Variants in ADGRB1 observed in about 807,000 individuals in gnomAD.
The protein encoded by ADGRB1 is brain-specific angiogenesis inhibitor 1.
ADGRB1 carries 36 observed loss-of-function variants against 175.7 expected under a neutral mutation model. The observed-to-expected ratio is 0.20, with a 90% confidence interval of 0.16 to 0.27. ADGRB1 has a LOEUF of 0.27. ADGRB1 is among the 10% of genes least tolerant of loss of function. The probability of loss-of-function intolerance (pLI) is 1.00; values close to 1 mark genes in which losing one functional copy is unlikely to be tolerated. For missense variants in ADGRB1, 1,731 were observed against 2,255.3 expected, an observed-to-expected ratio of 0.77 and a Z score of 4.71; for synonymous variants, 1,054 against 979.4, an observed-to-expected ratio of 1.08 and a Z score of -1.42.
rs539663294 is a variant in ADGRB1, at chr8:142,540,893, A to G, written c.3707-1048A>G. Among the ~76,000 whole-genome samples, 13 of 152,116 alleles carry G rather than the reference A, an allele frequency of 8.5e-5. No homozygotes were observed. The South Asian group carries it at 1.7e-3, about 19-fold the overall frequency. ...TGGAGGAGAGGACCAGGCCGGGAGC[A>G]TGGCCTGCTGAGCTCTGAGGGGGAC... On this transcript the variant is annotated intron_variant, in intron 27 of 30. Transcript: ENST00000517894.
At position 142,511,062 on chromosome 8, in the gene ADGRB1, A is replaced by G; in HGVS notation, c.2806A>G (p.Ser936Gly). Residue 936 changes from serine (S) to glycine (G), a missense_variant, in exon 18 of 31, where the codon AGC (serine) becomes GGC (glycine). Physicochemically the swap from Ser to Gly is moderately conservative, Grantham distance 56. Around this residue, in one of 8 missense-constraint regions of ADGRB1, gnomAD observed 77 missense variants for 71.6 expected, o/e 1.08. Transcript: ENST00000517894. The surrounding 1 kb of genome is among the most constrained non-coding windows in gnomAD (Gnocchi z 4.5). The stretch of plus-strand genomic sequence containing the variant: ...CACCTTCGCCATCTTAGCCCAGCTC[A>G]GCGCCGACGCGGTGAGACCCCGGCC... ...LSTFAILAQL[S>G]ADANMEKATL... 1.7e-6 allele frequency: 2 copies of G among 1,208,008 alleles called. No individual in the cohort carries two copies. Among genetic ancestry groups the G allele is most frequent in the South Asian group, 2.1e-5 (1 of 48,270 alleles). 74.8% of individuals were successfully genotyped at this position (1,208,008 alleles called of 1,614,324 possible).
rs1220570928 is a variant in ADGRB1, at chr8:142,452,897, G to A, written c.-220+2793G>A. ...GTGGCGGAAGGCGGAGGGCCGGCGCGCTGCCGCTGACTGCCGGGAGAGGGC... is the reference window on the plus strand; with the variant it reads ...GTGGCGGAAGGCGGAGGGCCGGCGCACTGCCGCTGACTGCCGGGAGAGGGC... On this transcript the variant is annotated intron_variant, in intron 1 of 30. Coordinates refer to ENST00000517894, the MANE Select transcript of ADGRB1 (RefSeq NM_001702.3). 2.7e-5 allele frequency among the ~76,000 whole-genome samples: 4 copies of A among 148,942 alleles called. No homozygotes were observed. In the South Asian group the frequency reaches 8.3e-4, roughly 31 times the overall value.
intron 17 of ADGRB1, among the ~76,000 whole-genome samples, chr8:142,498,524 C>T (rs1182209843): frequency 6.6e-6 from 1 of 152,154 alleles, no homozygotes; most frequent in Admixed American, 6.5e-5. Flanking sequence ...CAGCCCCTCC[C>T]TCAAGCACAG....
intron 18 of ADGRB1, among the ~76,000 whole-genome samples, chr8:142,515,292 C>G (rs1335915962): frequency 2.0e-5 from 3 of 152,228 alleles, no homozygotes; most frequent in African/African-American, 7.2e-5. Context: ...TCTGCCTCCC[C>G]TCGGCGTGAG....
In ADGRB1 at chr8:142,532,591, C is replaced by T. The variant is rs1011027751; in HGVS notation, c.3399-704C>T. Among the ~76,000 whole-genome samples the T allele has an allele frequency of 8.5e-5, 13 of 152,128 alleles. 1 individual carries two copies. The highest frequency in any genetic ancestry group is 6.2e-4 in the South Asian group (3 of 4,828). ...AGGCGCCTGTCAGTCTGTCTGTTGC[C>T]GTCTGTCTCTGTCTCTCCTCTGCTC... On this transcript the variant is annotated intron_variant, in intron 24 of 30. Coordinates refer to ENST00000517894, the MANE Select transcript of ADGRB1 (RefSeq NM_001702.3).
At position 142,489,342 on chromosome 8, in the gene ADGRB1, G is replaced by A. The variant is rs141595313; in HGVS notation, c.2535G>A (p.Thr845=). ...LGSFLALQRN[T]TVLNSKVISV... Reference sequence around the variant, plus strand: ...GTGCCTCTGGCTCTTGCAGGAACACGACCGTCCTGAATTCTAAGGTGATCT... The same window carrying A: ...GTGCCTCTGGCTCTTGCAGGAACACAACCGTCCTGAATTCTAAGGTGATCT... The change falls in exon 16 of 31, where the codon ACG becomes ACA. Residue 845 remains threonine (T), a synonymous_variant. Coordinates refer to ENST00000517894, the MANE Select transcript of ADGRB1 (RefSeq NM_001702.3). 8.3e-4 allele frequency: 1,339 copies of A among 1,612,816 alleles called. 14 individuals are homozygous for A. In the African/African-American group the frequency reaches 0.015, roughly 18 times the overall value.
chr8:142,469,162 T>TGTGCATGCGTGCATGTGTGTGA (rs10643514), intron 2 of ADGRB1, among the ~76,000 whole-genome samples: 1 of 151,844 alleles, frequency 6.6e-6, no homozygotes, highest in Admixed American at 6.6e-5. Flanking sequence ...CGTGCATGTG[T>TGTGCATGCGTGCATGTGTGTGA]GTGTGTGTGC....
intron 24 of ADGRB1, among the ~76,000 whole-genome samples, chr8:142,527,459 A>G (rs967559865): frequency 6.6e-6 from 1 of 151,906 alleles, no homozygotes; most frequent in Non-Finnish European, 1.5e-5. Flanking sequence ...AGACGCTTTC[A>G]GGAAGCCTTC....
At position 142,476,710 on chromosome 8, in the gene ADGRB1, G is replaced by T. The variant is rs1032150681; in HGVS notation, c.1057+15G>T. On this transcript the variant is annotated intron_variant, in intron 4 of 30. Coordinates refer to ENST00000517894, the MANE Select transcript of ADGRB1 (RefSeq NM_001702.3). ...CCCCCAGACCGGTGAGCTGGCGGGA[G>T]GGGGGTGGGTGGGACTAGGGCTTTG... 2 of 1,538,326 alleles carry T rather than the reference G, an allele frequency of 1.3e-6. No homozygotes were observed. The highest frequency in any genetic ancestry group is 1.8e-6 in the Non-Finnish European group (2 of 1,139,872).
intron 15 of ADGRB1, 63 bp downstream of exon 15, chr8:142,489,173 C>T: frequency 6.4e-7 from 1 of 1,553,298 alleles, no homozygotes; most frequent in Non-Finnish European, 8.7e-7. Flanking sequence ...AGGACCCCAG[C>T]CACAGGATGT....
chr8:142,516,307 CG>C (rs1843425285), intron 18 of ADGRB1, among the ~76,000 whole-genome samples: 1 of 113,576 alleles, frequency 8.8e-6, no homozygotes. Flanking sequence ...CAGGTGCATG[CG>C]TGTGTGCGGG....
chr8:142,533,565 G>A lies in ADGRB1; in HGVS notation c.3570+99G>A, dbSNP rs529190072. 5,338 of 1,378,854 alleles carry A rather than the reference G, an allele frequency of 3.9e-3. 13 individuals carry two copies. Among genetic ancestry groups the A allele is most frequent in the Non-Finnish European group, 4.7e-3 (4,850 of 1,023,384 alleles). 85.4% of individuals were successfully genotyped at this position (1,378,854 alleles called of 1,614,324 possible). ...GAGGACCTCGGCAGGGAGATTGTGG[G>A]TAGGCGCAGCATCCATGACCCTGAC... is the stretch of plus-strand genomic sequence containing the variant. On this transcript the variant is annotated intron_variant, in intron 25 of 30. Transcript: ENST00000517894.
chr8:142,514,173 G>A (rs938676365), intron 18 of ADGRB1, among the ~76,000 whole-genome samples: 1 of 152,104 alleles, frequency 6.6e-6, no homozygotes, highest in African/African-American at 2.4e-5. Flanking sequence ...GTGGCTTCGG[G>A]GGTTCAGAGT....
intron 24 of ADGRB1, among the ~76,000 whole-genome samples, chr8:142,528,872 G>A (rs1339991081): frequency 3.9e-5 from 6 of 152,244 alleles, no homozygotes; most frequent in Admixed American, 1.3e-4. Context: ...GGTGCAGGGC[G>A]TGGGGCCGGG....
intron 1 of ADGRB1, among the ~76,000 whole-genome samples, chr8:142,461,041 A>C (rs977608438): frequency 1.3e-5 from 2 of 152,200 alleles, no homozygotes; most frequent in Non-Finnish European, 2.9e-5. Context: ...GCGACCGGTG[A>C]TACCAGGGCC....
intron 17 of ADGRB1, among the ~76,000 whole-genome samples, chr8:142,503,162 G>A (rs928297594): frequency 6.6e-6 from 1 of 151,414 alleles, no homozygotes; most frequent in East Asian, 1.9e-4. Context: ...TGAGGGAAGC[G>A]AGACCCCCCA....
intron 17 of ADGRB1, among the ~76,000 whole-genome samples, chr8:142,501,958 T>G (rs1842585117): frequency 5.5e-5 from 1 of 18,244 alleles, no homozygotes; most frequent in South Asian, 2.1e-3. Flanking sequence ...GATGGCTGTG[T>G]GGTTTTGATG....
Position 142,476,799 on chromosome 8 carries a change from A to G in ADGRB1, c.1057+104A>G, listed in dbSNP as rs369088167. The G allele has an allele frequency of 1.9e-5, 22 of 1,168,078 alleles. No individual in the cohort carries two copies. The African/African-American group carries it at 3.2e-4, about 17-fold the overall frequency. The allele number at this position is 1,168,078 out of a possible 1,614,324, so 72.4% of individuals were successfully genotyped here. A position where few individuals can be genotyped will look rare whatever the true frequency, so the allele number is the denominator to read the frequency against. On this transcript the variant is annotated intron_variant, in intron 4 of 30. Coordinates refer to ENST00000517894, the MANE Select transcript of ADGRB1 (RefSeq NM_001702.3). ...GTAGTAACTTGAATAACATGCCATA[A>G]CTAGACTAAACCCTTAGGTGCAGGG... is the stretch of plus-strand genomic sequence containing the variant.
intron 17 of ADGRB1, among the ~76,000 whole-genome samples, chr8:142,498,304 C>A (rs1016976612): frequency 1.3e-5 from 2 of 152,224 alleles, no homozygotes; most frequent in African/African-American, 4.8e-5. Flanking sequence ...GCACACAGCA[C>A]CCCTCAGGAG....
Sources: allele counts gnomAD v4.1 joint callset (sites outside exome capture counted in the v4.1 genomes callset), GRCh38; gene constraint gnomAD v4.1.1; regional missense constraint gnomAD v4.1.1; non-coding constraint Gnocchi (gnomAD v3.1); transcripts MANE v1.5; gene names NCBI Gene and HGNC (gene_info 2026-07-23, HGNC 2026-07-21).